PRDM15: variants seen among roughly 807,000 people sequenced by gnomAD.
The protein encoded by PRDM15 is PR/SET domain 15.
In PRDM15, 64 loss-of-function variants were observed where a neutral mutation model predicts 128.6. The ratio of observed to expected loss-of-function variants is 0.50; its 90% CI spans 0.41 to 0.61. The LOEUF is 0.61. Ranked by LOEUF, PRDM15 falls within the 20% of genes least tolerant of loss-of-function variation. PRDM15 has a pLI of 0.00. For synonymous variants in PRDM15, 615 were observed against 621.8 expected, an observed-to-expected ratio of 0.99 and a Z score of 0.16; for missense variants, 1,242 against 1,569.1, an observed-to-expected ratio of 0.79 and a Z score of 3.52.
Position 41,810,520 on chromosome 21 carries a change from G to T in PRDM15, c.2477-191C>A. The stretch of plus-strand genomic sequence containing the variant: ...GAGCCTCTGTCCCTTGGGGAGCACT[G>T]CCAGCAGCAGCTGCATCACGGAACC... On this transcript the variant is annotated intron_variant, in intron 20 of 23. Transcript: ENST00000398548. This position sits in a 1 kb window ranked among gnomAD's most constrained non-coding sequence, Gnocchi z 6.4. 1 of 655,586 alleles carries T rather than the reference G, an allele frequency of 1.5e-6. No homozygotes were observed. The highest frequency in any genetic ancestry group is 2.7e-5 in the East Asian group (1 of 36,596). 40.6% of individuals were successfully genotyped at this position (655,586 alleles called of 1,614,324 possible).
rs116805130 is a variant in PRDM15 at position 41,832,528 on chromosome 21, A to G, written c.1366+2909T>C. 1.4e-3 allele frequency among the ~76,000 whole-genome samples: 210 copies of G among 152,194 alleles called. No homozygotes were observed. The highest frequency in any genetic ancestry group is 4.7e-3 in the African/African-American group (195 of 41,506). ...ACGGATCACCATAGGCCACACCTTT[A>G]CAGTGCTGTGGCATTGGATTGCCAC... On this transcript the variant is annotated intron_variant, in intron 11 of 23. Transcript: ENST00000398548. The surrounding 1 kb of genome is among the most constrained non-coding windows in gnomAD (Gnocchi z 4.2).
Position 41,815,761 on chromosome 21 carries a change from C to CACTCCTTGCACTCGT in PRDM15, c.2321_2335dup (p.Tyr774_Glu778dup). On this transcript the variant is annotated inframe_insertion, in exon 19 of 24. Transcript: ENST00000398548. ...GACCTTCTGCGCGAACCTGCGGTGG[C>CACTCCTTGCACTCGT]ACTCCTTGCACTCGTACTCCTTGAT... The CACTCCTTGCACTCGT allele has an allele frequency of 1.2e-6, 2 of 1,614,110 alleles. No homozygotes were observed. Among genetic ancestry groups the CACTCCTTGCACTCGT allele is most frequent in the South Asian group, 1.1e-5 (1 of 91,086 alleles).
Position 41,802,911 on chromosome 21 carries a change from G to C in PRDM15, c.2744C>G (p.Thr915Ser). Residue 915 changes from threonine to serine, a missense_variant, in exon 23 of 24, where the codon ACT (threonine) becomes AGT (serine). Coordinates refer to ENST00000398548, the MANE Select transcript of PRDM15 (RefSeq NM_001040424.3). ...SSIGIVQPEL[T>S]LEQEDLAEGK... ...TTCGGCCAAATCCTCCTGCTCCAGA[G>C]TCAGCTCAGGCTGCAGAAAAATCGG... 1 of 1,613,924 alleles carries C rather than the reference G, an allele frequency of 6.2e-7. No homozygotes were observed. Among genetic ancestry groups the C allele is most frequent in the Non-Finnish European group, 8.5e-7 (1 of 1,180,002 alleles).
chr21:41,835,414 G>A (rs1287112930), intron 11 of PRDM15, 23 bp downstream of exon 11: 2 of 1,593,170 alleles, frequency 1.3e-6, no homozygotes, highest in Admixed American at 1.7e-5. Context: ...GCGGCCGAGG[G>A]GAGACGTGAC....
chr21:41,874,468 A>G (rs1342962687), intron 1 of PRDM15, among the ~76,000 whole-genome samples: 1 of 150,914 alleles, frequency 6.6e-6, no homozygotes, highest in East Asian at 1.9e-4. Flanking sequence ...TTTGGTCACA[A>G]TAAAAGACAA....
chr21:41,813,013 G>A (rs2061915580), intron 19 of PRDM15: 1 of 152,304 alleles, frequency 6.6e-6, no homozygotes, highest in East Asian at 1.9e-4. Flanking sequence ...GCTTCCTCCT[G>A]GTGCAAGTGC....
chr21:41,804,490 C>T (rs1220389408), intron 22 of PRDM15, 44 bp downstream of exon 22: 2 of 1,476,766 alleles, frequency 1.4e-6, no homozygotes, highest in Non-Finnish European at 1.9e-6. Context: ...CAGGTGTCCA[C>T]TTACCCCAAA....
intron 1 of PRDM15, chr21:41,878,841 G>T: frequency 2.2e-6 from 2 of 899,234 alleles, no homozygotes; most frequent in East Asian, 9.4e-5. Flanking sequence ...GCGGGGCCGC[G>T]GGCCGGGGCG....
At chr21:41,841,823 T>C (rs909789755) in intron 6 of PRDM15, among the ~76,000 whole-genome samples, 1 of 152,228 alleles carries the variant, frequency 6.6e-6, no homozygotes, top group Non-Finnish European at 1.5e-5. Flanking sequence ...GATGTATGTA[T>C]TAAAAGCTCC....
Position 41,862,598 on chromosome 21 carries a change from C to T in PRDM15, c.-9-2226G>A, listed in dbSNP as rs73906110. Among the ~76,000 whole-genome samples, 24,995 of 152,110 alleles carry T rather than the reference C, an allele frequency of 0.16. 2,119 individuals are homozygous for T. Among genetic ancestry groups the T allele is most frequent in the Non-Finnish European group, 0.18 (12,500 of 67,958 alleles). On this transcript the variant is annotated intron_variant, in intron 1 of 23. Transcript: ENST00000398548. The surrounding 1 kb of genome is among the most constrained non-coding windows in gnomAD (Gnocchi z 4.1). ...GTCCGAGTCCTGGCAATAAGGGTCC[C>T]GATTAGCAGCATCTGGTCCCCAAAA... is the stretch of plus-strand genomic sequence containing the variant.
intron 13 of PRDM15, among the ~76,000 whole-genome samples, chr21:41,824,609 G>A (rs2146432791): frequency 6.6e-6 from 1 of 152,330 alleles, no homozygotes; most frequent in East Asian, 1.9e-4. Flanking sequence ...AGAGGTCAGT[G>A]GACAGAAAGA....
chr21:41,866,090 C>A (rs1026916067), intron 1 of PRDM15, among the ~76,000 whole-genome samples: 12 of 152,112 alleles, frequency 7.9e-5, no homozygotes, highest in African/African-American at 2.7e-4. Context: ...GTGACTTTTC[C>A]ACTCACTCCT....
intron 1 of PRDM15, among the ~76,000 whole-genome samples, chr21:41,866,502 G>A (rs1347694570): frequency 5.3e-5 from 8 of 152,186 alleles, no homozygotes; most frequent in Admixed American, 4.6e-4. Context: ...TGGCCAGGCC[G>A]CTGCCTTCCC....
intron 6 of PRDM15, among the ~76,000 whole-genome samples, chr21:41,842,737 C>T (rs1030308238): frequency 6.6e-6 from 1 of 151,516 alleles, no homozygotes; most frequent in African/African-American, 2.4e-5. Context: ...GATCTGCCTG[C>T]CTCGGCCTCC....
At chr21:41,820,960 A>G (rs3934698) in intron 16 of PRDM15, 107 bp downstream of exon 16, 89,397 of 1,409,708 alleles carry the variant, frequency 0.063, 3,671 homozygotes, top group African/African-American at 0.14. Context: ...CCCAGAGGAC[A>G]TCACTTGTTG....
At chr21:41,849,798 A>G (rs2146741670) in intron 5 of PRDM15, among the ~76,000 whole-genome samples, 1 of 151,966 alleles carries the variant, frequency 6.6e-6, no homozygotes, top group South Asian at 2.1e-4. Context: ...TTAGCTGGGC[A>G]TGATGGTACA....
chr21:41,837,505 AAAG>A (rs1407519235), intron 8 of PRDM15, among the ~76,000 whole-genome samples: 1 of 152,110 alleles, frequency 6.6e-6, no homozygotes, highest in Admixed American at 6.5e-5. Context: ...ACAGAGACAG[AAAG>A]TAGAATGGTG....
intron 5 of PRDM15, among the ~76,000 whole-genome samples, chr21:41,847,959 T>C (rs1410781655): frequency 1.3e-5 from 2 of 152,220 alleles, no homozygotes; most frequent in African/African-American, 2.4e-5. Context: ...ACTGATGCTC[T>C]TGTGCAACCT....
In PRDM15 at chr21:41,810,155, T is replaced by G. The variant is rs1033135625; in HGVS notation, c.2651A>C (p.Glu884Ala). 6.2e-7 allele frequency: 1 copy of G among 1,604,916 alleles called. No homozygotes were observed. Residue 884 changes from glutamate to alanine, a missense_variant and splice_region_variant, in exon 21 of 24, where the codon GAG (glutamate) becomes GCG (alanine). Physicochemically the swap from Glu to Ala is moderately radical, Grantham distance 107. Coordinates refer to ENST00000398548, the MANE Select transcript of PRDM15 (RefSeq NM_001040424.3). The surrounding 1 kb of genome is among the most constrained non-coding windows in gnomAD (Gnocchi z 6.4). ...GAGGGGGCACAGCCACCAGCTCACC[T>G]CGGGGTGCTTGCGCCGCATGTGTCG... ...MSRHMRRKHP[E>A]VLAVRIDDLD...
Sources: allele counts gnomAD v4.1 joint callset (sites outside exome capture counted in the v4.1 genomes callset), GRCh38; gene constraint gnomAD v4.1.1; non-coding constraint Gnocchi (gnomAD v3.1); transcripts MANE v1.5; gene names NCBI Gene and HGNC (gene_info 2026-07-23, HGNC 2026-07-21).